SLC35H1: variants seen among roughly 807,000 people sequenced by gnomAD.
The protein encoded by SLC35H1 is solute carrier family 35 member H1.
the SLC35H1 span, chr20:46,358,391 GT>G: frequency 6.2e-7 from 1 of 1,614,078 alleles, no homozygotes; most frequent in Non-Finnish European, 8.5e-7. Context: ...TGGTACCTTT[GT>G]CAGCCACTTG....
At chr20:46,353,666 G>A in the SLC35H1 span, among the ~76,000 whole-genome samples, 5 of 152,204 alleles carry the variant, frequency 3.3e-5, no homozygotes, top group African/African-American at 1.2e-4. Flanking sequence ...TAATGAAGGC[G>A]CTTGGGGGAT....
chr20:46,357,243 T>C, the SLC35H1 span, among the ~76,000 whole-genome samples: 1 of 152,070 alleles, frequency 6.6e-6, no homozygotes, highest in Non-Finnish European at 1.5e-5. Context: ...CGGCCTTGGG[T>C]TGGTCCCCTC....
the SLC35H1 span, chr20:46,346,235 C>A: frequency 6.6e-6 from 1 of 152,134 alleles, no homozygotes; most frequent in Non-Finnish European, 1.5e-5. Context: ...ATGTTAGTTG[C>A]CAACGAAACT....
chr20:46,360,709 C>A, the SLC35H1 span, among the ~76,000 whole-genome samples: 3 of 152,164 alleles, frequency 2.0e-5, no homozygotes, highest in East Asian at 5.8e-4. Context: ...CCACCACACC[C>A]GGCTAATTTT....
At chr20:46,355,235 C>A in the SLC35H1 span, 15 of 1,613,108 alleles carry the variant, frequency 9.3e-6, no homozygotes. This position sits in a 1 kb window ranked among gnomAD's most constrained non-coding sequence, Gnocchi z 4.8. Context: ...AGGACCAGTG[C>A]CGCGCGCTGG....
chr20:46,361,723 C>T, the SLC35H1 span, among the ~76,000 whole-genome samples: 1 of 152,210 alleles, frequency 6.6e-6, no homozygotes, highest in African/African-American at 2.4e-5. Flanking sequence ...TAGACACTGC[C>T]ATATGTCACC....
chr20:46,360,964 A>T, the SLC35H1 span, among the ~76,000 whole-genome samples: 1 of 152,246 alleles, frequency 6.6e-6, no homozygotes, highest in African/African-American at 2.4e-5. Flanking sequence ...GAGGTGTCAG[A>T]TCCAATGAGT....
chr20:46,362,458 A>G, the SLC35H1 span, among the ~76,000 whole-genome samples: 3 of 152,190 alleles, frequency 2.0e-5, no homozygotes, highest in African/African-American at 7.2e-5. Flanking sequence ...TTAGTGCTTA[A>G]GAGTGTGGGC....
the SLC35H1 span, among the ~76,000 whole-genome samples, chr20:46,353,393 G>A: frequency 6.6e-6 from 1 of 152,196 alleles, no homozygotes; most frequent in Non-Finnish European, 1.5e-5. Context: ...ATGACTCCCG[G>A]CGTCCCTCCC....
chr20:46,352,723 G>T, the SLC35H1 span: 1 of 157,310 alleles, frequency 6.4e-6, no homozygotes, highest in South Asian at 1.8e-4. Context: ...ATCCTAGCGG[G>T]ATGAAGGAGA....
At chr20:46,361,076 A>G in the SLC35H1 span, among the ~76,000 whole-genome samples, 1 of 152,168 alleles carries the variant, frequency 6.6e-6, no homozygotes, top group South Asian at 2.1e-4. Context: ...TGTGAACTCC[A>G]GAAGAATATC....
the SLC35H1 span, chr20:46,355,977 G>C: frequency 2.0e-6 from 3 of 1,536,288 alleles, no homozygotes; most frequent in African/African-American, 1.4e-5. This position sits in a 1 kb window ranked among gnomAD's most constrained non-coding sequence, Gnocchi z 4.8. Flanking sequence ...TGACCAAACA[G>C]AGCTGGGCTG....
the SLC35H1 span, chr20:46,352,531 G>A: frequency 6.4e-6 from 2 of 312,360 alleles, no homozygotes; most frequent in Non-Finnish European, 1.2e-5. Flanking sequence ...GGGGATCCTA[G>A]CAGGATGATG....
chr20:46,355,653 T>G, the SLC35H1 span: 1 of 1,145,604 alleles, frequency 8.7e-7, no homozygotes. The surrounding 1 kb of genome is among the most constrained non-coding windows in gnomAD (Gnocchi z 4.8). Flanking sequence ...ATTGCCCATG[T>G]CTAGGTCCCT....
the SLC35H1 span, chr20:46,357,734 C>A: frequency 3.1e-6 from 5 of 1,614,090 alleles, no homozygotes; most frequent in East Asian, 1.1e-4. Context: ...AAGATCACGG[C>A]CAGGTGCAGC....
At chr20:46,355,066 T>C in the SLC35H1 span, 1 of 1,614,032 alleles carries the variant, frequency 6.2e-7, no homozygotes, top group Non-Finnish European at 8.5e-7. This position sits in a 1 kb window ranked among gnomAD's most constrained non-coding sequence, Gnocchi z 4.8. Flanking sequence ...GAGTGGCACG[T>C]GCTCACCGAG....
chr20:46,353,536 A>G, the SLC35H1 span, among the ~76,000 whole-genome samples: 2 of 152,230 alleles, frequency 1.3e-5, no homozygotes, highest in Admixed American at 1.3e-4. Context: ...AGAAATGCCG[A>G]GTGACAGTCC....
chr20:46,363,310 C>T, the SLC35H1 span: 17 of 152,156 alleles, frequency 1.1e-4, no homozygotes, highest in Non-Finnish European at 2.9e-5. Context: ...ACCCAATCCA[C>T]TTGCCAATGA....
chr20:46,358,784 C>A, the SLC35H1 span: 1 of 1,393,020 alleles, frequency 7.2e-7, no homozygotes, highest in Non-Finnish European at 9.9e-7. Flanking sequence ...AAAAGGGCCG[C>A]TCTGGAGCCT....
Sources: gnomAD v4.1 joint callset for allele counts (sites outside exome capture counted in the v4.1 genomes callset) on GRCh38, gnomAD v4.1.1 for gene constraint, Gnocchi (gnomAD v3.1) non-coding constraint, MANE v1.5 for transcripts, NCBI Gene and HGNC (gene_info 2026-07-23, HGNC 2026-07-21) for gene names.